The following CNTNAP4 variants were observed in gnomAD, a reference collection of about 807,000 sequenced individuals.
CNTNAP4 encodes the protein contactin associated protein family member 4, also known as contactin-associated protein-like 4.
CNTNAP4 carries 98 observed loss-of-function variants against 148.4 expected under a neutral mutation model. The observed-to-expected ratio is 0.66, with a 90% CI of 0.56 to 0.78. The LOEUF (loss-of-function observed/expected upper bound fraction) is 0.78, where lower values mean the gene tolerates loss of function less well. Ranked by LOEUF, CNTNAP4 falls within the 30% of genes least tolerant of loss-of-function variation. The pLI is 0.00. For missense variants in CNTNAP4, 1,935 were observed against 1,565.6 expected, an observed-to-expected ratio of 1.24 and a Z score of -3.98; for synonymous variants, 730 against 565.1, an observed-to-expected ratio of 1.29 and a Z score of -4.14.
intron 3 of CNTNAP4, among the ~76,000 whole-genome samples, chr16:76,387,686 G>A (rs2016628431): frequency 6.6e-6 from 1 of 152,122 alleles, no homozygotes; most frequent in Non-Finnish European, 1.5e-5. Flanking sequence ...GAAAATTAAT[G>A]TTGTTTTAAA....
At chr16:76,550,281 C>G (rs1453498394) in intron 21 of CNTNAP4, among the ~76,000 whole-genome samples, 2 of 152,154 alleles carry the variant, frequency 1.3e-5, no homozygotes, top group Non-Finnish European at 2.9e-5. Context: ...TATTGTCTCT[C>G]TCCCTTTCCC....
At chr16:76,431,188 A>G (rs1184938810) in intron 4 of CNTNAP4, among the ~76,000 whole-genome samples, 1 of 152,194 alleles carries the variant, frequency 6.6e-6, no homozygotes, top group Admixed American at 6.6e-5. Context: ...GGATGGTCCA[A>G]ATAGGAAAAG....
At chr16:76,413,061 T>C (rs538415813) in intron 3 of CNTNAP4, among the ~76,000 whole-genome samples, 1 of 151,578 alleles carries the variant, frequency 6.6e-6, no homozygotes, top group African/African-American at 2.4e-5. Flanking sequence ...AAGCACATCA[T>C]GGATGGGGTT....
At chr16:76,333,444 A>G (rs1371824021) in intron 2 of CNTNAP4, among the ~76,000 whole-genome samples, 4 of 152,084 alleles carry the variant, frequency 2.6e-5, no homozygotes, top group Admixed American at 1.3e-4. Flanking sequence ...CCTTTTAATA[A>G]TTTATATCTC....
intron 3 of CNTNAP4, among the ~76,000 whole-genome samples, chr16:76,409,780 C>T (rs1335290032): frequency 6.6e-6 from 1 of 151,814 alleles, no homozygotes; most frequent in Non-Finnish European, 1.5e-5. Context: ...GTTGCTATTT[C>T]TCCTTTTACT....
At chr16:76,422,649 G>T (rs562617859) in intron 3 of CNTNAP4, among the ~76,000 whole-genome samples, 1 of 149,220 alleles carries the variant, frequency 6.7e-6, no homozygotes, top group Admixed American at 6.6e-5. Context: ...GAAAAGCCTG[G>T]AATTAAATCC....
At chr16:76,397,574 C>T (rs2078245317) in intron 3 of CNTNAP4, among the ~76,000 whole-genome samples, 1 of 151,892 alleles carries the variant, frequency 6.6e-6, no homozygotes, top group African/African-American at 2.4e-5. Flanking sequence ...TATATAGCAA[C>T]TGTTACATAC....
intron 1 of CNTNAP4, among the ~76,000 whole-genome samples, chr16:76,278,303 C>T (rs1958558018): frequency 6.6e-6 from 1 of 152,200 alleles, no homozygotes; most frequent in Non-Finnish European, 1.5e-5. Context: ...GAGCTGTGCC[C>T]TCGCTGCTAA....
At chr16:76,332,481 C>G (rs932344344) in intron 2 of CNTNAP4, among the ~76,000 whole-genome samples, 4 of 152,056 alleles carry the variant, frequency 2.6e-5, no homozygotes, top group South Asian at 2.1e-4. Context: ...CTAGGCTGGT[C>G]TTGAACTCTT....
chr16:76,355,287 A>T, intron 2 of CNTNAP4, 31 bp from the exon 3 acceptor site: 1 of 1,468,200 alleles, frequency 6.8e-7, no homozygotes, highest in Non-Finnish European at 9.1e-7. Flanking sequence ...TTCCTTTCTC[A>T]ATTTTCTCCT....
intron 2 of CNTNAP4, among the ~76,000 whole-genome samples, 153 bp downstream of exon 2, chr16:76,316,676 A>C (rs1477771389): frequency 6.6e-6 from 1 of 152,228 alleles, no homozygotes; most frequent in African/African-American, 2.4e-5. Context: ...TATGACATCT[A>C]GCTTCTGTTC....
chr16:76,278,355 C>T (rs1472144485), intron 1 of CNTNAP4, among the ~76,000 whole-genome samples: 1 of 152,134 alleles, frequency 6.6e-6, no homozygotes, highest in African/African-American at 2.4e-5. Context: ...GAGCCTCTTC[C>T]TACATTTCGC....
intron 15 of CNTNAP4, among the ~76,000 whole-genome samples, chr16:76,500,803 GAATGA>G (rs150548614): frequency 0.042 from 6,415 of 151,690 alleles, 189 homozygotes; most frequent in African/African-American, 0.09. Context: ...TTTGATCAGG[GAATGA>G]AATGAGCATA....
At chr16:76,437,140 G>A (rs2079861696) in intron 4 of CNTNAP4, among the ~76,000 whole-genome samples, 1 of 151,840 alleles carries the variant, frequency 6.6e-6, no homozygotes, top group Non-Finnish European at 1.5e-5. Flanking sequence ...ATCCAGCATG[G>A]GAGGAAGATG....
chr16:76,432,680 C>G (rs1007608043), intron 4 of CNTNAP4: 8 of 152,144 alleles, frequency 5.3e-5, no homozygotes, highest in Non-Finnish European at 1.2e-4. Flanking sequence ...TAGGAAGCAG[C>G]AATTAAACCA....
At chr16:76,452,277 C>T (rs1364266862) in intron 7 of CNTNAP4, among the ~76,000 whole-genome samples, 1 of 152,104 alleles carries the variant, frequency 6.6e-6, no homozygotes, top group Non-Finnish European at 1.5e-5. Context: ...TCTAAATAAG[C>T]TTGACTTCAT....
intron 12 of CNTNAP4, among the ~76,000 whole-genome samples, chr16:76,487,130 A>G (rs1010323588): frequency 1.3e-5 from 2 of 152,234 alleles, no homozygotes; most frequent in Admixed American, 6.5e-5. Context: ...TAGCAATTCT[A>G]TTAGTTATCT....
At chr16:76,479,322 A>T (rs1269154110) in intron 11 of CNTNAP4, 97 bp from the exon 12 acceptor site, 2 of 1,140,170 alleles carry the variant, frequency 1.8e-6, no homozygotes, top group Non-Finnish European at 2.4e-6. Context: ...AGTAATGTAC[A>T]TTTTAAATTT....
intron 2 of CNTNAP4, among the ~76,000 whole-genome samples, chr16:76,318,721 AAATT>A (rs575904671): frequency 7.4e-4 from 110 of 148,736 alleles, no homozygotes; most frequent in Middle Eastern, 7.1e-3. Flanking sequence ...TAGAGAGAAT[AAATT>A]AATTATTTTT....
Sources: gnomAD v4.1 joint callset for allele counts (sites outside exome capture counted in the v4.1 genomes callset) on GRCh38, gnomAD v4.1.1 for gene constraint, MANE v1.5 for transcripts, NCBI Gene and HGNC (gene_info 2026-07-23, HGNC 2026-07-21) for gene names.